Variants in ASAP3 observed in about 807,000 individuals in gnomAD.
ASAP3 encodes ArfGAP with SH3 domain, ankyrin repeat and PH domain 3.
ASAP3 carries 85 observed loss-of-function variants against 118.2 expected under a neutral mutation model. That is an observed-to-expected ratio of 0.72 (90% CI 0.60 to 0.86). The LOEUF (loss-of-function observed/expected upper bound fraction) is 0.86. Among genes scored for constraint, ASAP3 ranks in the 40% least tolerant of loss-of-function variants. ASAP3 has a pLI of 0.00. For missense variants in ASAP3, 1,026 were observed against 1,175.0 expected, an observed-to-expected ratio of 0.87 and a Z score of 1.85; for synonymous variants, 432 against 477.4, an observed-to-expected ratio of 0.90 and a Z score of 1.24.
chr1:23,430,244 C>G (rs976745097), intron 24 of ASAP3, among the ~76,000 whole-genome samples: 16 of 152,288 alleles, frequency 1.1e-4, no homozygotes, highest in Admixed American at 4.6e-4. Flanking sequence ...CTCTGGTGGA[C>G]TAAAGATGAC....
chr1:23,445,801 C>T (rs188128992), intron 5 of ASAP3, among the ~76,000 whole-genome samples: 440 of 151,864 alleles, frequency 2.9e-3, no homozygotes, highest in African/African-American at 0.01. Flanking sequence ...AGCAAGACCC[C>T]GTTTCTACTT....
chr1:23,431,981 C>A, intron 22 of ASAP3, 63 bp from the exon 23 acceptor site: 13 of 1,289,398 alleles, frequency 1.0e-5, no homozygotes, highest in Non-Finnish European at 1.3e-5. Flanking sequence ...TGCCCAACCT[C>A]AAAGCAGTCT....
intron 1 of ASAP3, among the ~76,000 whole-genome samples, chr1:23,463,592 ATTTTTATT>A (rs1252054685): frequency 5.9e-5 from 9 of 152,050 alleles, no homozygotes; most frequent in Middle Eastern, 6.8e-3. Context: ...TTTAAAATAG[ATTTTTATT>A]TTTTTATTTT....
intron 23 of ASAP3, 139 bp from the exon 24 acceptor site, chr1:23,431,264 T>A: frequency 1.2e-6 from 1 of 812,702 alleles, no homozygotes; most frequent in Non-Finnish European, 1.9e-6. Flanking sequence ...GCCAGGTCCA[T>A]CACAGGCCCA....
intron 1 of ASAP3, among the ~76,000 whole-genome samples, chr1:23,477,033 G>A (rs547341314): frequency 9.2e-5 from 14 of 151,382 alleles, no homozygotes; most frequent in African/African-American, 3.1e-4. Flanking sequence ...ATATTTTGTC[G>A]GGGGACAGAG....
At position 23,436,696 on chromosome 1, in the gene ASAP3, G is replaced by C. The variant is rs372522961; in HGVS notation, c.1477-42C>G. 1 of 1,611,520 alleles carries C rather than the reference G, an allele frequency of 6.2e-7. No homozygotes were observed. Among genetic ancestry groups the C allele is most frequent in the Non-Finnish European group, 8.5e-7 (1 of 1,177,842 alleles). On this transcript the variant is annotated intron_variant, in intron 15 of 24. Transcript: ENST00000336689. The surrounding 1 kb of genome is among the most constrained non-coding windows in gnomAD (Gnocchi z 4.2). ...ATAGACGTGGGGCGGAGTAAGACCGGGCGGTTAAGCCTGCATAGGGTGGAG... is the reference window on the plus strand; with the variant it reads ...ATAGACGTGGGGCGGAGTAAGACCGCGCGGTTAAGCCTGCATAGGGTGGAG...
intron 24 of ASAP3, 152 bp downstream of exon 24, chr1:23,430,883 C>T (rs1439325249): frequency 1.3e-6 from 1 of 751,556 alleles, no homozygotes; most frequent in Non-Finnish European, 2.1e-6. Flanking sequence ...CACCTGGGCA[C>T]CAGGACAGGG....
At position 23,436,313 on chromosome 1, in the gene ASAP3, C is replaced by T. The variant is rs1570334111; in HGVS notation, c.1571+247G>A. ...GAGTAGCTGGAATTACAGGCGTGTG[C>T]CACCACGCCCAGCTAATTCTTGTAT... is the stretch of plus-strand genomic sequence containing the variant. On this transcript the variant is annotated intron_variant, in intron 16 of 24. Coordinates refer to ENST00000336689, the MANE Select transcript of ASAP3 (RefSeq NM_017707.4). This position sits in a 1 kb window ranked among gnomAD's most constrained non-coding sequence, Gnocchi z 4.2. 1.3e-5 allele frequency among the ~76,000 whole-genome samples: 2 copies of T among 152,358 alleles called. No homozygotes were observed. The highest frequency in any genetic ancestry group is 2.1e-4 in the South Asian group (1 of 4,826).
upstream of ASAP3, chr1:23,484,238 C>A: frequency 9.1e-7 from 1 of 1,097,552 alleles, no homozygotes; most frequent in Non-Finnish European, 1.1e-6. Flanking sequence ...CCGGCCTCCA[C>A]ACGCCCCGCC....
Position 23,457,567 on chromosome 1 carries a change from A to G in ASAP3, c.130-1373T>C, listed in dbSNP as rs528421082. 6.6e-5 allele frequency among the ~76,000 whole-genome samples: 10 copies of G among 152,296 alleles called. No individual in the cohort carries two copies. The South Asian group carries it at 1.9e-3, about 28-fold the overall frequency. On this transcript the variant is annotated intron_variant, in intron 1 of 24. Coordinates refer to ENST00000336689, the MANE Select transcript of ASAP3 (RefSeq NM_017707.4). Reference sequence around the variant, plus strand: ...GTTTTGCTCTTGTTGCTCAGGCTGGAGTGCAGTTGCACAATCTTGGCTCAC... The same window carrying G: ...GTTTTGCTCTTGTTGCTCAGGCTGGGGTGCAGTTGCACAATCTTGGCTCAC...
At chr1:23,475,404 G>A (rs1642096539) in intron 1 of ASAP3, among the ~76,000 whole-genome samples, 1 of 152,170 alleles carries the variant, frequency 6.6e-6, no homozygotes, top group South Asian at 2.1e-4. Flanking sequence ...GTGAACTACT[G>A]AACATTCCCT....
At position 23,439,247 on chromosome 1, in the gene ASAP3, T is replaced by C. The variant is rs765720461; in HGVS notation, c.945-17A>G. ...CTTCGAATTCTAAAGCCCAGAGGGA[T>C]AGAAGGACAGTGACCCAAGGCTCAC... is the stretch of plus-strand genomic sequence containing the variant. On this transcript the variant is annotated splice_polypyrimidine_tract_variant and intron_variant, in intron 10 of 24. Transcript: ENST00000336689. The C allele has an allele frequency of 1.2e-5, 20 of 1,613,322 alleles. No homozygotes were observed. Among genetic ancestry groups the C allele is most frequent in the African/African-American group, 2.7e-5 (2 of 74,914 alleles).
chr1:23,469,903 C>G (rs148266563), intron 1 of ASAP3, among the ~76,000 whole-genome samples: 69 of 152,326 alleles, frequency 4.5e-4, no homozygotes, highest in African/African-American at 1.6e-3. Context: ...GCTAAATCTT[C>G]TCTCTCTGAG....
chr1:23,469,006 A>G (rs1347962891), intron 1 of ASAP3, among the ~76,000 whole-genome samples: 3 of 150,820 alleles, frequency 2.0e-5, no homozygotes, highest in Non-Finnish European at 4.4e-5. Flanking sequence ...TCCAATTACC[A>G]ATTTACAGAA....
chr1:23,469,823 AAGTTCTAAGAAACGCAG>A (rs1641902632), intron 1 of ASAP3, among the ~76,000 whole-genome samples: 1 of 152,196 alleles, frequency 6.6e-6, no homozygotes, highest in African/African-American at 2.4e-5. Context: ...GTCATGTAGG[AAGTTCTAAGAAACGCAG>A]AGACCTCTGC....
At chr1:23,434,195 A>G (rs1212350948) in intron 19 of ASAP3, 59 bp downstream of exon 19, 3 of 1,530,040 alleles carry the variant, frequency 2.0e-6, no homozygotes, top group Admixed American at 1.7e-5. Context: ...GACCATCGGA[A>G]GTCCACATAA....
At chr1:23,482,088 C>T (rs565152507) in intron 1 of ASAP3, among the ~76,000 whole-genome samples, 42 of 152,324 alleles carry the variant, frequency 2.8e-4, no homozygotes, top group African/African-American at 1.0e-3. Context: ...ACATGTACCC[C>T]TACTATGTGC....
At chr1:23,476,263 T>C (rs2148662550) in intron 1 of ASAP3, among the ~76,000 whole-genome samples, 1 of 151,934 alleles carries the variant, frequency 6.6e-6, no homozygotes, top group Non-Finnish European at 1.5e-5. Context: ...GGAGAATCGC[T>C]TGAACCCGGG....
intron 1 of ASAP3, among the ~76,000 whole-genome samples, chr1:23,482,744 C>A (rs1003619183): frequency 2.1e-4 from 32 of 151,908 alleles, no homozygotes; most frequent in African/African-American, 7.2e-4. Context: ...GTCAGGAGAT[C>A]GAGACCATCC....
Sources: gnomAD v4.1 joint callset for allele counts (sites outside exome capture counted in the v4.1 genomes callset) on GRCh38, gnomAD v4.1.1 for gene constraint, Gnocchi (gnomAD v3.1) non-coding constraint, MANE v1.5 for transcripts, NCBI Gene and HGNC (gene_info 2026-07-23, HGNC 2026-07-21) for gene names.